Variants in CYB5A observed in about 807,000 individuals in gnomAD.
CYB5A encodes cytochrome b5.
A neutral mutation model predicts 16.2 loss-of-function variants in CYB5A; 10 were observed. That is an observed-to-expected ratio of 0.62 (90% CI 0.38 to 1.04). CYB5A has a LOEUF of 1.04. Among genes scored for constraint, CYB5A ranks in the 50% least tolerant of loss-of-function variants. CYB5A has a pLI of 0.01. For missense variants in CYB5A, 161 were observed against 165.9 expected (o/e 0.97, Z 0.16); for synonymous variants, 62 against 57.0 (o/e 1.09, Z -0.40).
In CYB5A at chr18:74,260,917, G is replaced by C; in HGVS notation, c.286C>G (p.Pro96Ala). 1 of 1,612,212 alleles carries C rather than the reference G, an allele frequency of 6.2e-7. No individual in the cohort carries two copies. Among genetic ancestry groups the C allele is most frequent in the Non-Finnish European group, 8.5e-7 (1 of 1,178,380 alleles). The stretch of plus-strand genomic sequence containing the variant: ...ATACTTGAGATGGTCACACTTACCG[G>C]AGGCTTGTTTAACTTTGGTCTGTCA... The part of the protein sequence containing the change: ...PDDRPKLNKP[P>A]ETLITTIDSS... Residue 96 changes from proline to alanine, a missense_variant and splice_region_variant, in exon 3 of 5, where the codon CCG (proline) becomes GCG (alanine). Coordinates refer to ENST00000340533, the MANE Select transcript of CYB5A (RefSeq NM_148923.4).
rs756762628 is a variant in CYB5A at position 74,261,038 on chromosome 18, T to C, written c.259-94A>G. Reference sequence around the variant, plus strand: ...ACTTTGAGACTTTTTAAAATTATAATTCAGTAATTACCATTTCAGATTCAA... The same window carrying C: ...ACTTTGAGACTTTTTAAAATTATAACTCAGTAATTACCATTTCAGATTCAA... On this transcript the variant is annotated intron_variant, in intron 2 of 4. Transcript: ENST00000340533. 175 of 941,064 alleles carry C rather than the reference T, an allele frequency of 1.9e-4. 2 individuals are homozygous for C. The Middle Eastern group carries it at 0.016, about 85-fold the overall frequency. 58.3% of individuals were successfully genotyped at this position (941,064 alleles called of 1,614,324 possible).
intron 1 of CYB5A, among the ~76,000 whole-genome samples, chr18:74,265,234 T>G (rs943366667): frequency 2.0e-5 from 3 of 152,184 alleles, no homozygotes; most frequent in African/African-American, 7.2e-5. Context: ...TTATAACATT[T>G]ATCCATCTAT....
chr18:74,289,923 T>C (rs1400351891), intron 1 of CYB5A, among the ~76,000 whole-genome samples: 1 of 151,694 alleles, frequency 6.6e-6, no homozygotes, highest in Non-Finnish European at 1.5e-5. Context: ...AGTGCCAGGG[T>C]TGAAAAAACT....
intron 1 of CYB5A, among the ~76,000 whole-genome samples, chr18:74,280,214 A>G (rs2145075161): frequency 1.3e-5 from 2 of 152,260 alleles, no homozygotes; most frequent in South Asian, 4.1e-4. Flanking sequence ...TTGAAAATGG[A>G]TCACATTTCT....
chr18:74,267,603 C>T (rs931542710), intron 1 of CYB5A, among the ~76,000 whole-genome samples: 18 of 152,056 alleles, frequency 1.2e-4, no homozygotes, highest in Non-Finnish European at 2.4e-4. Context: ...GGTTATAGCA[C>T]TTGGGGGTGG....
Position 74,260,958 on chromosome 18 carries a change from A to G in CYB5A, c.259-14T>C, listed in dbSNP as rs759054183. 1 of 1,608,400 alleles carries G rather than the reference A, an allele frequency of 6.2e-7. No individual in the cohort carries two copies. On this transcript the variant is annotated splice_polypyrimidine_tract_variant and intron_variant, in intron 2 of 4. Coordinates refer to ENST00000340533, the MANE Select transcript of CYB5A (RefSeq NM_148923.4). ...TGGTCTGTCATCCTGCAATGAAAAG[A>G]TAAGGCACATTATGGAATTTAAAAA...
At chr18:74,268,485 TGA>T (rs76298907) in intron 1 of CYB5A, among the ~76,000 whole-genome samples, 19,913 of 152,068 alleles carry the variant, frequency 0.13, 1,477 homozygotes, top group Admixed American at 0.2. Flanking sequence ...CTGTGAGCAA[TGA>T]GAGAGGCCAT....
At chr18:74,261,012 G>T in intron 2 of CYB5A, 68 bp from the exon 3 acceptor site, 1 of 1,149,764 alleles carries the variant, frequency 8.7e-7, no homozygotes, top group Non-Finnish European at 1.3e-6. Flanking sequence ...CCAAAATGCT[G>T]ACTTTGAGAC....
chr18:74,278,298 C>G (rs553135929), intron 1 of CYB5A, among the ~76,000 whole-genome samples: 69 of 152,308 alleles, frequency 4.5e-4, no homozygotes, highest in African/African-American at 1.5e-3. Context: ...CCAGATGATT[C>G]CTGAGTCCCT....
intron 1 of CYB5A, among the ~76,000 whole-genome samples, chr18:74,272,858 G>T (rs1982722859): frequency 6.6e-6 from 1 of 152,090 alleles, no homozygotes; most frequent in African/African-American, 2.4e-5. Context: ...GGAGGCAGAG[G>T]TTGCAGTGAG....
intron 1 of CYB5A, among the ~76,000 whole-genome samples, chr18:74,264,753 C>T (rs1982367880): frequency 6.6e-6 from 1 of 152,216 alleles, no homozygotes; most frequent in South Asian, 2.1e-4. Flanking sequence ...TTAGTGCTTT[C>T]AGCTGCTTTA....
At chr18:74,291,612 C>A in intron 1 of CYB5A, 135 bp downstream of exon 1, 1 of 1,340,132 alleles carries the variant, frequency 7.5e-7, no homozygotes, top group South Asian at 1.2e-5. Context: ...GGCGTACACG[C>A]GCAGGTGAGC....
At chr18:74,255,931 A>G (rs2145036841) in intron 3 of CYB5A, 156 bp from the exon 4 acceptor site, 1 of 630,038 alleles carries the variant, frequency 1.6e-6, no homozygotes, top group Non-Finnish European at 2.8e-6. Flanking sequence ...TTTCACTAAA[A>G]TGCCTAACTT....
chr18:74,264,116 C>A (rs1982328741), intron 1 of CYB5A, among the ~76,000 whole-genome samples: 1 of 151,052 alleles, frequency 6.6e-6, no homozygotes, highest in South Asian at 2.1e-4. Flanking sequence ...GAGGCTGAGT[C>A]TTGAGAATCG....
At chr18:74,275,296 A>G (rs961367690) in intron 1 of CYB5A, among the ~76,000 whole-genome samples, 2 of 152,130 alleles carry the variant, frequency 1.3e-5, no homozygotes, top group Admixed American at 6.5e-5. Flanking sequence ...TTGCAGCTAC[A>G]TATCTCATGT....
intron 1 of CYB5A, among the ~76,000 whole-genome samples, chr18:74,264,239 G>A (rs1465944751): frequency 6.8e-6 from 1 of 147,062 alleles, no homozygotes; most frequent in African/African-American, 2.5e-5. Context: ...GAGCGAGAAA[G>A]AAAGAACCTT....
chr18:74,285,147 T>A (rs1983271811), intron 1 of CYB5A, among the ~76,000 whole-genome samples: 1 of 152,182 alleles, frequency 6.6e-6, no homozygotes. Context: ...TGTTCCTCTA[T>A]CCCCAAGCCT....
intron 1 of CYB5A, among the ~76,000 whole-genome samples, chr18:74,266,097 A>G (rs546051358): frequency 3.3e-5 from 5 of 152,342 alleles, no homozygotes; most frequent in African/African-American, 9.6e-5. Flanking sequence ...GTCCACCTTA[A>G]ACAGGCATGG....
At position 74,282,479 on chromosome 18, in the gene CYB5A, A is replaced by C. The variant is rs79560986; in HGVS notation, c.129+9268T>G. On this transcript the variant is annotated intron_variant, in intron 1 of 4. Transcript: ENST00000340533. ...TTCCTCCACCAGGCTCTCCTCTTCC[A>C]TCCCCGGAAGAGTGACTTCCTGGCA... Among the ~76,000 whole-genome samples the C allele has an allele frequency of 2.6e-3, 389 of 152,266 alleles. 7 individuals are homozygous for C. The East Asian group carries it at 0.051, about 20-fold the overall frequency.
Sources: allele counts gnomAD v4.1 joint callset (sites outside exome capture counted in the v4.1 genomes callset), GRCh38; gene constraint gnomAD v4.1.1; transcripts MANE v1.5; gene names NCBI Gene and HGNC (gene_info 2026-07-23, HGNC 2026-07-21).